Variants in CYYR1 observed in about 807,000 individuals in gnomAD.
CYYR1 encodes the protein cysteine and tyrosine rich 1.
CYYR1 carries 14 observed loss-of-function variants against 15.2 expected under a neutral mutation model. The ratio of observed to expected loss-of-function variants is 0.92; its 90% CI spans 0.61 to 1.44. The LOEUF (loss-of-function observed/expected upper bound fraction) is 1.44, where lower values mean the gene tolerates loss of function less well. CYYR1 is among the 40% of genes most tolerant of loss of function. The pLI, the probability that CYYR1 is intolerant of heterozygous loss-of-function variation, is 0.00. For synonymous variants in CYYR1, 80 were observed against 77.4 expected, an observed-to-expected ratio of 1.03 and a Z score of -0.18; for missense variants, 228 against 209.5, an observed-to-expected ratio of 1.09 and a Z score of -0.54.
intron 2 of CYYR1, among the ~76,000 whole-genome samples, chr21:26,537,910 C>G (rs1280448133): frequency 6.6e-6 from 1 of 152,184 alleles, no homozygotes; most frequent in African/African-American, 2.4e-5. Flanking sequence ...AAAAAGGAAT[C>G]TCCCCAGATA....
rs187639408 is a variant in CYYR1, at chr21:26,487,352, C to T, written c.177-6923G>A. 4.6e-5 allele frequency among the ~76,000 whole-genome samples: 7 copies of T among 152,024 alleles called. No individual in the cohort carries two copies. The East Asian group carries it at 5.8e-4, about 13-fold the overall frequency. ...TTTGTTAAAGAAGGTAATATTTAGT[C>T]GACTTATTTATTTGTGATGATACAC... On this transcript the variant is annotated intron_variant, in intron 2 of 3. Transcript: ENST00000652641.
At chr21:26,531,190 G>A (rs2065925960) in intron 2 of CYYR1, among the ~76,000 whole-genome samples, 1 of 152,148 alleles carries the variant, frequency 6.6e-6, no homozygotes, top group Non-Finnish European at 1.5e-5. Context: ...CACCTCGTCG[G>A]ATTGGTTTCA....
intron 2 of CYYR1, among the ~76,000 whole-genome samples, chr21:26,512,924 G>C (rs756105405): frequency 1.3e-5 from 2 of 152,208 alleles, no homozygotes; most frequent in African/African-American, 2.4e-5. Context: ...AGTCATCAAA[G>C]TAAGTGCTTT....
intron 3 of CYYR1, chr21:26,471,260 T>C (rs1196086461): frequency 6.6e-6 from 1 of 152,216 alleles, no homozygotes; most frequent in Non-Finnish European, 1.5e-5. Flanking sequence ...GGTTCTATGC[T>C]GTTTTTCTGC....
At chr21:26,564,877 A>ATAT in intron 2 of CYYR1, 2 of 1,099,586 alleles carry the variant, frequency 1.8e-6, no homozygotes, top group Non-Finnish European at 2.3e-6. Context: ...TATTAATAAT[A>ATAT]TATTTTGTTA....
At chr21:26,500,637 A>G (rs2065468339) in intron 2 of CYYR1, among the ~76,000 whole-genome samples, 1 of 152,056 alleles carries the variant, frequency 6.6e-6, no homozygotes, top group Non-Finnish European at 1.5e-5. Context: ...TCTCTCCCCA[A>G]CAACAGCTCT....
At chr21:26,475,724 C>T (rs1471207262) in intron 3 of CYYR1, among the ~76,000 whole-genome samples, 3 of 152,144 alleles carry the variant, frequency 2.0e-5, no homozygotes, top group African/African-American at 7.2e-5. Flanking sequence ...TTGTCTGTAG[C>T]ATTAATTCTG....
At chr21:26,508,968 T>C (rs538845102) in intron 2 of CYYR1, among the ~76,000 whole-genome samples, 1 of 152,316 alleles carries the variant, frequency 6.6e-6, no homozygotes, top group East Asian at 1.9e-4. Flanking sequence ...CACATTATAT[T>C]GCAACACTCT....
intron 2 of CYYR1, among the ~76,000 whole-genome samples, chr21:26,529,165 A>G (rs2065899526): frequency 6.6e-6 from 1 of 152,204 alleles, no homozygotes; most frequent in Admixed American, 6.5e-5. Flanking sequence ...GGAGGTTAGT[A>G]ACTTGCCTAA....
At chr21:26,494,775 C>T (rs370653369) in intron 2 of CYYR1, among the ~76,000 whole-genome samples, 1 of 151,590 alleles carries the variant, frequency 6.6e-6, no homozygotes, top group Non-Finnish European at 1.5e-5. Context: ...ATTTAAAAAT[C>T]AGATGTATTT....
At chr21:26,550,670 ACT>A (rs1270508125) in intron 2 of CYYR1, 1 of 152,218 alleles carries the variant, frequency 6.6e-6, no homozygotes, top group Admixed American at 6.5e-5. Flanking sequence ...CAAGGCTTTA[ACT>A]CTCTTCAAGT....
intron 2 of CYYR1, among the ~76,000 whole-genome samples, chr21:26,563,683 A>G (rs1980401933): frequency 1.3e-5 from 2 of 152,236 alleles, no homozygotes; most frequent in Non-Finnish European, 1.5e-5. Flanking sequence ...CTTAATGGTT[A>G]GTTTGCAAAA....
chr21:26,510,367 T>C (rs1359603583), intron 2 of CYYR1, among the ~76,000 whole-genome samples: 1 of 152,232 alleles, frequency 6.6e-6, no homozygotes, highest in East Asian at 1.9e-4. Context: ...CTGTGATACC[T>C]AGCCAGTGAG....
At chr21:26,565,408 C>G (rs1166327113) in intron 2 of CYYR1, among the ~76,000 whole-genome samples, 1 of 152,158 alleles carries the variant, frequency 6.6e-6, no homozygotes, top group Non-Finnish European at 1.5e-5. Flanking sequence ...ATGATACTGA[C>G]TTGAAAAACA....
intron 2 of CYYR1, among the ~76,000 whole-genome samples, chr21:26,517,062 CCGAGATCGCGCCACTGCA>C (rs1392268597): frequency 1.6e-5 from 2 of 128,322 alleles, no homozygotes; most frequent in Non-Finnish European, 3.1e-5. Flanking sequence ...TTGCAGTGAG[CCGAGATCGCGCCACTGCA>C]CTCCAGCCTG....
intron 2 of CYYR1, among the ~76,000 whole-genome samples, chr21:26,532,544 T>A (rs1326636176): frequency 6.6e-6 from 1 of 152,166 alleles, no homozygotes; most frequent in African/African-American, 2.4e-5. Flanking sequence ...ATACAGTGTA[T>A]AGAAACCTTT....
chr21:26,527,160 T>A (rs2065877144), intron 2 of CYYR1, among the ~76,000 whole-genome samples: 1 of 152,106 alleles, frequency 6.6e-6, no homozygotes. Context: ...ATAAAGGCAT[T>A]TGGACATTTG....
chr21:26,491,260 C>T (rs2123443578), intron 2 of CYYR1, among the ~76,000 whole-genome samples: 1 of 152,238 alleles, frequency 6.6e-6, no homozygotes, highest in East Asian at 1.9e-4. Context: ...CTGAAACTTC[C>T]CACTGAGCTA....
At chr21:26,494,715 C>T (rs1195198586) in intron 2 of CYYR1, among the ~76,000 whole-genome samples, 1 of 151,508 alleles carries the variant, frequency 6.6e-6, no homozygotes, top group Non-Finnish European at 1.5e-5. Context: ...ACATTGTGCC[C>T]CATAAATATA....
Sources: gnomAD v4.1 joint callset for allele counts (sites outside exome capture counted in the v4.1 genomes callset) on GRCh38, gnomAD v4.1.1 for gene constraint, MANE v1.5 for transcripts, NCBI Gene and HGNC (gene_info 2026-07-23, HGNC 2026-07-21) for gene names.